Variants in RBMS3 observed in about 807,000 individuals in gnomAD.
RBMS3 encodes the protein RNA binding motif single stranded interacting protein 3, also known as RNA-binding motif, single-stranded-interacting protein 3.
RBMS3 carries 27 observed loss-of-function variants against 66.8 expected under a neutral mutation model. That is an observed-to-expected ratio of 0.40 (90% CI 0.30 to 0.56). RBMS3 has a LOEUF of 0.56. Among genes scored for constraint, RBMS3 ranks in the 20% least tolerant of loss-of-function variants. The pLI is 0.40. For synonymous variants in RBMS3, 188 were observed against 183.0 expected, an observed-to-expected ratio of 1.03 and a Z score of -0.22; for missense variants, 513 against 549.5, an observed-to-expected ratio of 0.93 and a Z score of 0.66.
intron 12 of RBMS3, among the ~76,000 whole-genome samples, chr3:29,948,740 T>A (rs1205533319): frequency 6.6e-6 from 1 of 151,812 alleles, no homozygotes; most frequent in Non-Finnish European, 1.5e-5. Flanking sequence ...CAAAACTATC[T>A]TTCTTTACAT....
chr3:29,751,774 G>A (rs969195367), intron 5 of RBMS3, among the ~76,000 whole-genome samples: 7 of 152,160 alleles, frequency 4.6e-5, no homozygotes, highest in African/African-American at 7.2e-5. Flanking sequence ...ACAAAGGGGC[G>A]GCTCGGTTAG....
chr3:29,310,762 A>T (rs1019428148), intron 1 of RBMS3, among the ~76,000 whole-genome samples: 1 of 151,696 alleles, frequency 6.6e-6, no homozygotes, highest in African/African-American at 2.4e-5. Context: ...GGGTAAATTG[A>T]TGTGATGAAA....
At chr3:29,682,555 C>T (rs2051544424) in intron 4 of RBMS3, among the ~76,000 whole-genome samples, 1 of 152,070 alleles carries the variant, frequency 6.6e-6, no homozygotes, top group African/African-American at 2.4e-5. Context: ...GGAAGAGTAC[C>T]AAGATTTCTT....
intron 3 of RBMS3, among the ~76,000 whole-genome samples, chr3:29,586,885 T>C (rs967863248): frequency 6.6e-6 from 1 of 152,094 alleles, no homozygotes; most frequent in Non-Finnish European, 1.5e-5. Flanking sequence ...CTACACCCAA[T>C]CTCCAAAACA....
intron 4 of RBMS3, among the ~76,000 whole-genome samples, chr3:29,660,528 G>T (rs998911981): frequency 6.6e-6 from 1 of 152,084 alleles, no homozygotes; most frequent in Admixed American, 6.6e-5. Flanking sequence ...TTACTGATAC[G>T]GAGAGACTTA....
At position 29,798,880 on chromosome 3, in the gene RBMS3, A is replaced by G. The variant is rs2057299054; in HGVS notation, c.637+35891A>G. ...ATTTGGATCTTCGAGATCATTTTAT[A>G]CACCCAAGTTCTTTTTGCAACATCA... On this transcript the variant is annotated intron_variant, in intron 6 of 14. Coordinates refer to ENST00000383767, the MANE Select transcript of RBMS3 (RefSeq NM_001003793.3). Among the ~76,000 whole-genome samples the G allele has an allele frequency of 2.7e-5, 4 of 149,524 alleles. No individual in the cohort carries two copies. In the South Asian group the frequency reaches 8.4e-4, roughly 31 times the overall value.
chr3:29,599,153 G>T (rs2048061724), intron 4 of RBMS3, among the ~76,000 whole-genome samples: 1 of 144,478 alleles, frequency 6.9e-6, no homozygotes, highest in Non-Finnish European at 1.5e-5. Flanking sequence ...AGAGAGTGGA[G>T]ATTTTTTTTT....
intron 3 of RBMS3, among the ~76,000 whole-genome samples, chr3:29,491,950 G>A (rs1405296856): frequency 6.6e-6 from 1 of 151,828 alleles, no homozygotes; most frequent in Non-Finnish European, 1.5e-5. Flanking sequence ...CTGAGATCGT[G>A]CCACTGCACT....
At chr3:29,883,801 T>A (rs1209745008) in intron 7 of RBMS3, among the ~76,000 whole-genome samples, 1 of 152,052 alleles carries the variant, frequency 6.6e-6, no homozygotes, top group Non-Finnish European at 1.5e-5. Flanking sequence ...AACTGCAGGA[T>A]TCGTTCTTAC....
chr3:29,994,070 A>G (rs1451171489), intron 14 of RBMS3, among the ~76,000 whole-genome samples: 1 of 152,106 alleles, frequency 6.6e-6, no homozygotes, highest in African/African-American at 2.4e-5. Context: ...CAGTGGGTGC[A>G]TGCACCGTGC....
intron 1 of RBMS3, among the ~76,000 whole-genome samples, chr3:29,421,897 G>T (rs2040753370): frequency 6.6e-6 from 1 of 152,154 alleles, no homozygotes; most frequent in Non-Finnish European, 1.5e-5. Flanking sequence ...GGCTAGATCA[G>T]TCAACAAACC....
At chr3:29,679,652 C>T (rs1009715902) in intron 4 of RBMS3, among the ~76,000 whole-genome samples, 1 of 151,904 alleles carries the variant, frequency 6.6e-6, no homozygotes, top group African/African-American at 2.4e-5. Flanking sequence ...TTATATCATC[C>T]TACTCCTTTG....
intron 6 of RBMS3, among the ~76,000 whole-genome samples, chr3:29,800,517 T>C (rs1466749617): frequency 1.3e-5 from 2 of 152,184 alleles, no homozygotes; most frequent in African/African-American, 4.8e-5. Context: ...TATTTGACAA[T>C]TGTCACTATT....
At chr3:29,843,694 C>T (rs144916623) in intron 6 of RBMS3, among the ~76,000 whole-genome samples, 112 of 152,302 alleles carry the variant, frequency 7.4e-4, no homozygotes, top group African/African-American at 2.6e-3. Flanking sequence ...GTGCCTCACA[C>T]CTGTAATCCC....
intron 3 of RBMS3, among the ~76,000 whole-genome samples, chr3:29,575,744 G>C (rs2047097706): frequency 6.6e-6 from 1 of 151,810 alleles, no homozygotes; most frequent in Admixed American, 6.6e-5. Flanking sequence ...CTTTCTTCAA[G>C]CTCACTAATT....
At chr3:29,472,869 T>C (rs2042788705) in intron 2 of RBMS3, among the ~76,000 whole-genome samples, 2 of 152,162 alleles carry the variant, frequency 1.3e-5, no homozygotes, top group African/African-American at 4.8e-5. Flanking sequence ...GCGGTTGCCA[T>C]GGCTGGCTGG....
At chr3:29,736,840 A>G (rs1576654827) in intron 4 of RBMS3, among the ~76,000 whole-genome samples, 1 of 152,154 alleles carries the variant, frequency 6.6e-6, no homozygotes, top group Admixed American at 6.5e-5. Context: ...TCCCTTTGCA[A>G]CAGAGAGTGA....
intron 1 of RBMS3, among the ~76,000 whole-genome samples, chr3:29,287,883 G>C (rs901612271): frequency 6.6e-6 from 1 of 151,974 alleles, no homozygotes; most frequent in Non-Finnish European, 1.5e-5. Context: ...GGCAGACTGA[G>C]ATGAGTTAAA....
At chr3:29,575,801 C>T (rs182323165) in intron 3 of RBMS3, among the ~76,000 whole-genome samples, 1 of 152,092 alleles carries the variant, frequency 6.6e-6, no homozygotes, top group Admixed American at 6.5e-5. Context: ...ATGCATTCTT[C>T]AGTATGTCAT....
Sources: allele counts gnomAD v4.1 joint callset (sites outside exome capture counted in the v4.1 genomes callset), GRCh38; gene constraint gnomAD v4.1.1; transcripts MANE v1.5; gene names NCBI Gene and HGNC (gene_info 2026-07-23, HGNC 2026-07-21).